Variants in VIL1 observed in about 807,000 individuals in gnomAD.
VIL1 encodes villin 1, also known as villin-1.
Under a neutral mutation model 104.0 loss-of-function variants are expected in VIL1, and 86 were observed. The observed-to-expected ratio is 0.83, with a 90% CI of 0.69 to 0.99. The LOEUF is 0.99. Ranked by LOEUF, VIL1 falls within the 50% of genes least tolerant of loss-of-function variation. The pLI is 0.00. For synonymous variants in VIL1, 394 were observed against 412.6 expected, an observed-to-expected ratio of 0.95 and a Z score of 0.55; for missense variants, 944 against 1,054.1, an observed-to-expected ratio of 0.90 and a Z score of 1.45.
At position 218,450,146 on chromosome 2, in the gene VIL1, A is replaced by G. The variant is rs908078157; in HGVS notation, c.*810A>G. On this transcript the variant is annotated 3_prime_UTR_variant, in exon 20 of 20. Coordinates refer to ENST00000248444, the MANE Select transcript of VIL1 (RefSeq NM_007127.3). ...TTAAGAAGTAACAGTGCTGCAAGGA[A>G]GTCCATGTCAGAAAGCCAACAGAAG... The G allele has an allele frequency of 1.3e-5, 2 of 152,202 alleles. No individual in the cohort carries two copies. Among genetic ancestry groups the G allele is most frequent in the African/African-American group, 4.8e-5 (2 of 41,454 alleles). The allele number at this position is 152,202 out of a possible 1,614,324, so 9.4% of individuals were successfully genotyped here. A position where few individuals can be genotyped will look rare whatever the true frequency, so the allele number is the denominator to read the frequency against.
chr2:218,429,560 G>C, intron 7 of VIL1, 37 bp from the exon 8 acceptor site: 2 of 1,613,934 alleles, frequency 1.2e-6, no homozygotes, highest in Non-Finnish European at 1.7e-6. Flanking sequence ...AGGGACTTGG[G>C]CCCCCTCCCC....
At position 218,424,310 on chromosome 2, in the gene VIL1, T is replaced by G. The variant is rs1688941642; in HGVS notation, c.109T>G (p.Phe37Val). 1 of 1,614,032 alleles carries G rather than the reference T, an allele frequency of 6.2e-7. No individual in the cohort carries two copies. Among genetic ancestry groups the G allele is most frequent in the Non-Finnish European group, 8.5e-7 (1 of 1,180,026 alleles). ...MQMVPVPSST[F>V]GSFFDGDCYI... The stretch of plus-strand genomic sequence containing the variant: ...GATGGTGCCTGTTCCTTCCAGCACC[T>G]TTGGAAGCTTCTTCGATGGTGACTG... The change falls in exon 3 of 20, where the codon TTT becomes GTT. Residue 37 changes from phenylalanine to valine, a missense_variant. Physicochemically the swap from Phe to Val is conservative, Grantham distance 50. Coordinates refer to ENST00000248444, the MANE Select transcript of VIL1 (RefSeq NM_007127.3).
At chr2:218,423,117 C>T (rs1356485496) in intron 1 of VIL1, among the ~76,000 whole-genome samples, 1 of 152,190 alleles carries the variant, frequency 6.6e-6, no homozygotes, top group Non-Finnish European at 1.5e-5. Flanking sequence ...AAGGGCCGGC[C>T]AGGCACAGTG....
At chr2:218,436,661 C>T (rs762336218) in intron 16 of VIL1, 35 bp downstream of exon 16, 1 of 1,602,112 alleles carries the variant, frequency 6.2e-7, no homozygotes, top group East Asian at 2.2e-5. Context: ...CTCTTCCCAG[C>T]CACCTCAATC....
At chr2:218,437,772 T>G (rs1001923491) in intron 17 of VIL1, among the ~76,000 whole-genome samples, 5 of 152,184 alleles carry the variant, frequency 3.3e-5, no homozygotes, top group Admixed American at 6.5e-5. Context: ...GGTGCTAAAT[T>G]CTAAGCAAAA....
chr2:218,443,946 C>T (rs1398783755), intron 19 of VIL1, among the ~76,000 whole-genome samples: 3 of 151,946 alleles, frequency 2.0e-5, no homozygotes, highest in South Asian at 2.1e-4. Context: ...TAAGACGCTG[C>T]GCCTAGCCTG....
At chr2:218,444,404 C>T (rs897537420) in intron 19 of VIL1, among the ~76,000 whole-genome samples, 2 of 151,908 alleles carry the variant, frequency 1.3e-5, no homozygotes, top group Non-Finnish European at 2.9e-5. Context: ...CTCAGCCTCC[C>T]GAGTAGCTGG....
At chr2:218,441,332 T>A (rs1689280912) in intron 19 of VIL1, among the ~76,000 whole-genome samples, 1 of 149,932 alleles carries the variant, frequency 6.7e-6, no homozygotes, top group African/African-American at 2.5e-5. Context: ...GAGGTTGCAG[T>A]GAGTCAAGAT....
chr2:218,426,399 C>A (rs1011180868), intron 4 of VIL1, among the ~76,000 whole-genome samples: 2 of 151,222 alleles, frequency 1.3e-5, no homozygotes, highest in African/African-American at 4.9e-5. Flanking sequence ...GGATTACAGG[C>A]ACACACCACC....
intron 19 of VIL1, among the ~76,000 whole-genome samples, chr2:218,442,080 C>G (rs948508494): frequency 6.6e-6 from 1 of 152,148 alleles, no homozygotes; most frequent in Non-Finnish European, 1.5e-5. Context: ...TTAGGAGAGA[C>G]AGCACAGCTG....
At chr2:218,423,170 T>C (rs1574811274) in intron 1 of VIL1, among the ~76,000 whole-genome samples, 1 of 151,860 alleles carries the variant, frequency 6.6e-6, no homozygotes, top group Admixed American at 6.6e-5. Context: ...CTGTGACAGG[T>C]GGATCACCTG....
rs1006532708 is a variant in VIL1 at position 218,450,626 on chromosome 2, G to A, written c.*1290G>A. The A allele has an allele frequency of 6.6e-6, 1 of 152,562 alleles. No homozygotes were observed. Among genetic ancestry groups the A allele is most frequent in the Admixed American group, 6.6e-5 (1 of 15,266 alleles). The allele number at this position is 152,562 out of a possible 1,614,324, so 9.5% of individuals were successfully genotyped here. ...GGAGGGAAACCTGGGGACAAGAGGT[G>A]TGCACACCCACATGTGGTCTCACTC... On this transcript the variant is annotated 3_prime_UTR_variant, in exon 20 of 20. Coordinates refer to ENST00000248444, the MANE Select transcript of VIL1 (RefSeq NM_007127.3).
chr2:218,446,220 G>A (rs1242460543), intron 19 of VIL1, among the ~76,000 whole-genome samples: 2 of 152,018 alleles, frequency 1.3e-5, no homozygotes, highest in African/African-American at 4.8e-5. Flanking sequence ...AAACTGATGA[G>A]GATTAACAAG....
At position 218,450,174 on chromosome 2, in the gene VIL1, G is replaced by A. The variant is rs1235654047; in HGVS notation, c.*838G>A. 1 of 152,178 alleles carries A rather than the reference G, an allele frequency of 6.6e-6. No homozygotes were observed. Among genetic ancestry groups the A allele is most frequent in the Non-Finnish European group, 1.5e-5 (1 of 68,046 alleles). 9.4% of individuals were successfully genotyped at this position (152,178 alleles called of 1,614,324 possible). A position where few individuals can be genotyped will look rare whatever the true frequency, so the allele number is the denominator to read the frequency against. On this transcript the variant is annotated 3_prime_UTR_variant, in exon 20 of 20. Transcript: ENST00000248444. Reference sequence around the variant, plus strand: ...CCATGTCAGAAAGCCAACAGAAGGTGATTTCCACAACTTTGAACAGGTTGT... The same window carrying A: ...CCATGTCAGAAAGCCAACAGAAGGTAATTTCCACAACTTTGAACAGGTTGT...
chr2:218,427,846 C>T (rs925024590), intron 4 of VIL1, 119 bp from the exon 5 acceptor site: 1 of 877,152 alleles, frequency 1.1e-6, no homozygotes, highest in Non-Finnish European at 1.8e-6. Flanking sequence ...CCTCATTGAC[C>T]TCGCCTACTC....
intron 13 of VIL1, among the ~76,000 whole-genome samples, chr2:218,433,748 A>G (rs1689138155): frequency 6.6e-6 from 1 of 152,080 alleles, no homozygotes. Context: ...CTCTACTAAA[A>G]ATACAAAAAT....
At chr2:218,427,857 C>A in intron 4 of VIL1, 108 bp from the exon 5 acceptor site, 1 of 1,005,626 alleles carries the variant, frequency 9.9e-7, no homozygotes, top group Non-Finnish European at 1.5e-6. Context: ...TCGCCTACTC[C>A]CACCCTGGCC....
chr2:218,433,330 G>A (rs988076974), intron 13 of VIL1, among the ~76,000 whole-genome samples: 19 of 152,144 alleles, frequency 1.2e-4, no homozygotes, highest in African/African-American at 4.1e-4. Flanking sequence ...AGCTACTCAG[G>A]AGGCTGAGGC....
At chr2:218,448,522 C>A (rs1689405956) in intron 19 of VIL1, among the ~76,000 whole-genome samples, 1 of 151,298 alleles carries the variant, frequency 6.6e-6, no homozygotes, top group African/African-American at 2.4e-5. Context: ...AGATCGTGCG[C>A]CACTGCTCTC....
Sources: allele counts gnomAD v4.1 joint callset (sites outside exome capture counted in the v4.1 genomes callset), GRCh38; gene constraint gnomAD v4.1.1; transcripts MANE v1.5; gene names NCBI Gene and HGNC (gene_info 2026-07-23, HGNC 2026-07-21).